The following ATP7A variants were observed in gnomAD, a reference collection of about 807,000 sequenced individuals.
ATP7A encodes copper-transporting ATPase 1.
Under a neutral mutation model 83.5 loss-of-function variants are expected in ATP7A, and 7 were observed. The ratio of observed to expected loss-of-function variants is 0.08; its 90% CI spans 0.05 to 0.16. ATP7A has a LOEUF of 0.16. ATP7A is among the 10% of genes least tolerant of loss of function. ATP7A has a pLI of 1.00. For synonymous variants in ATP7A, 354 were observed against 395.2 expected (o/e 0.90, Z 1.24); for missense variants, 940 against 1,120.8 (o/e 0.84, Z 2.30).
At chrX:77,968,335 C>T (rs1429850085) in intron 1 of ATP7A, among the ~76,000 whole-genome samples, 1 of 112,082 alleles carries the variant, frequency 8.9e-6, no homozygotes, top group East Asian at 2.8e-4. Flanking sequence ...AAATATAACA[C>T]ATAACGAAAT....
At chrX:77,959,538 T>C (rs1291224463) in intron 1 of ATP7A, among the ~76,000 whole-genome samples, 1 of 111,940 alleles carries the variant, frequency 8.9e-6, no homozygotes, top group Non-Finnish European at 1.9e-5. Context: ...ATGCACTAGA[T>C]GCCAGTAGTA....
rs1363956950 is a variant in ATP7A, at chrX:78,049,337, A to G, written c.*2767A>G. On this transcript the variant is annotated 3_prime_UTR_variant, in exon 23 of 23. Coordinates refer to ENST00000341514, the MANE Select transcript of ATP7A (RefSeq NM_000052.7). Reference sequence around the variant, plus strand: ...CCATACTGAAGGGAAATGGATTTATATTTGAATTTGATATTTGAATATTTG... The same window carrying G: ...CCATACTGAAGGGAAATGGATTTATGTTTGAATTTGATATTTGAATATTTG... 1.8e-5 allele frequency: 2 copies of G among 112,432 alleles called. No homozygotes were observed. The highest frequency in any genetic ancestry group is 3.8e-5 in the Non-Finnish European group (2 of 53,150). The allele number at this position is 112,432 out of a possible 1,213,427, so 9.3% of individuals were successfully genotyped here.
intron 1 of ATP7A, among the ~76,000 whole-genome samples, chrX:77,947,291 G>C (rs2077385360): frequency 9.0e-6 from 1 of 111,197 alleles, no homozygotes; most frequent in Non-Finnish European, 1.9e-5. Flanking sequence ...TTTTTTAATA[G>C]GTACAAAATT....
chrX:77,927,977 A>G (rs1557223785), intron 1 of ATP7A, among the ~76,000 whole-genome samples: 1 of 110,712 alleles, frequency 9.0e-6, no homozygotes, highest in African/African-American at 3.3e-5. Context: ...AGGTATGTAT[A>G]TTTTAAGGCT....
intron 12 of ATP7A, among the ~76,000 whole-genome samples, chrX:78,016,199 C>A (rs2077862558): frequency 9.0e-6 from 1 of 111,059 alleles, no homozygotes; most frequent in African/African-American, 3.3e-5. Flanking sequence ...AAGCAAGGAC[C>A]TTCTTCACAA....
At chrX:77,952,385 G>T (rs1301000614) in intron 1 of ATP7A, among the ~76,000 whole-genome samples, 9 of 111,837 alleles carry the variant, frequency 8.0e-5, no homozygotes, top group African/African-American at 2.9e-4. Context: ...CTGGATTTTG[G>T]CCATTCTACT....
chrX:77,974,957 C>T (rs1447571278), intron 2 of ATP7A: 3 of 247,670 alleles, frequency 1.2e-5, no homozygotes, highest in East Asian at 5.8e-5. Flanking sequence ...ATACATGTGC[C>T]GTGCTGGTGC....
intron 17 of ATP7A, among the ~76,000 whole-genome samples, chrX:78,034,759 T>TG (rs1403831653): frequency 3.7e-5 from 4 of 109,021 alleles, no homozygotes; most frequent in Non-Finnish European, 5.7e-5. Context: ...TTTTTTTTTT[T>TG]TTGAGAAGGA....
At chrX:77,930,847 TA>T (rs782045586) in intron 1 of ATP7A, among the ~76,000 whole-genome samples, 1 of 110,707 alleles carries the variant, frequency 9.0e-6, no homozygotes, top group Non-Finnish European at 1.9e-5. Flanking sequence ...CTCTCGACTT[TA>T]GATCATGCCC....
At chrX:78,042,116 CAAAA>C (rs1156427861) in intron 19 of ATP7A, among the ~76,000 whole-genome samples, 1 of 51,941 alleles carries the variant, frequency 1.9e-5, no homozygotes. Context: ...GACTCTGTCT[CAAAA>C]AAAAAAAAAA....
chrX:77,933,484 T>C (rs1462799893), intron 1 of ATP7A, among the ~76,000 whole-genome samples: 3 of 111,856 alleles, frequency 2.7e-5, no homozygotes, highest in African/African-American at 9.7e-5. Context: ...GTGGTACCAA[T>C]TGAGTATCCC....
intron 19 of ATP7A, among the ~76,000 whole-genome samples, chrX:78,042,040 C>T (rs2078052308): frequency 9.6e-6 from 1 of 104,167 alleles, no homozygotes; most frequent in Non-Finnish European, 1.9e-5. Flanking sequence ...ATCGCTTGAA[C>T]CAGGAGGCGG....
In ATP7A at chrX:77,998,540, A is replaced by G. The variant is rs782416233; in HGVS notation, c.1399A>G (p.Thr467Ala). Reference protein sequence around the residue: ...PSSEMPLLTSTNEFYTKGMTP... With the variant: ...PSSEMPLLTSANEFYTKGMTP... Reference sequence around the variant, plus strand: ...ATCGGAAATGCCGCTTTTGACTTCAACTAATGAATTTTATACTAAAGGGAT... The same window carrying G: ...ATCGGAAATGCCGCTTTTGACTTCAGCTAATGAATTTTATACTAAAGGGAT... The change falls in exon 5 of 23, where the codon ACT (threonine) becomes GCT (alanine). Residue 467 changes from threonine (T) to alanine (A), a missense_variant. Around this residue, in one of 3 missense-constraint regions of ATP7A, gnomAD observed 350 missense variants for 432.8 expected, o/e 0.81. Transcript: ENST00000341514. 1.7e-6 allele frequency: 2 copies of G among 1,210,361 alleles called. No individual in the cohort carries two copies. The highest frequency in any genetic ancestry group is 1.7e-5 in the African/African-American group (1 of 57,284).
At chrX:77,949,405 A>C (rs2077401429) in intron 1 of ATP7A, among the ~76,000 whole-genome samples, 1 of 112,225 alleles carries the variant, frequency 8.9e-6, no homozygotes, top group Non-Finnish European at 1.9e-5. Flanking sequence ...AAGTCGCTTC[A>C]CGTACAGCTA....
intron 1 of ATP7A, chrX:77,969,032 C>A: frequency 1.7e-6 from 2 of 1,211,799 alleles, no homozygotes; most frequent in Non-Finnish European, 2.2e-6. Flanking sequence ...ATGATAGCCT[C>A]TTCAGAGAGA....
chrX:78,034,351 C>T (rs979989619), intron 17 of ATP7A, among the ~76,000 whole-genome samples: 4 of 111,540 alleles, frequency 3.6e-5, no homozygotes, highest in African/African-American at 1.3e-4. Flanking sequence ...GTTTTAGCTT[C>T]TTTTCTTAAA....
At chrX:77,939,703 A>G (rs1301959185) in intron 1 of ATP7A, among the ~76,000 whole-genome samples, 6 of 111,309 alleles carry the variant, frequency 5.4e-5, no homozygotes, top group Non-Finnish European at 1.1e-4. Context: ...CAGAGTTAAT[A>G]TAGAGAGGTA....
rs2077719270 is a variant in ATP7A at position 77,998,553 on chromosome X, A to T, written c.1412A>T (p.Tyr471Phe). The T allele has an allele frequency of 8.3e-7, 1 of 1,210,228 alleles. No individual in the cohort carries two copies. Among genetic ancestry groups the T allele is most frequent in the African/African-American group, 1.7e-5 (1 of 57,293 alleles). ...MPLLTSTNEF[Y>F]TKGMTPVQDK... ...CTTTTGACTTCAACTAATGAATTTT[A>T]TACTAAAGGGATGACACCAGTTCAA... Residue 471 changes from tyrosine (Y) to phenylalanine (F), a missense_variant, in exon 5 of 23, where the codon TAT becomes TTT. Coordinates refer to ENST00000341514, the MANE Select transcript of ATP7A (RefSeq NM_000052.7).
At chrX:77,976,788 A>G (rs1439283664) in intron 2 of ATP7A, among the ~76,000 whole-genome samples, 1 of 112,339 alleles carries the variant, frequency 8.9e-6, no homozygotes, top group Non-Finnish European at 1.9e-5. Flanking sequence ...TACATAGCAT[A>G]TATTCCTTCT....
Sources: gnomAD v4.1 joint callset for allele counts (sites outside exome capture counted in the v4.1 genomes callset) on GRCh38, gnomAD v4.1.1 for gene constraint, gnomAD v4.1.1 regional missense constraint, MANE v1.5 for transcripts, NCBI Gene and HGNC (gene_info 2026-07-23, HGNC 2026-07-21) for gene names.